Variants in SI observed in about 807,000 individuals in gnomAD.
SI encodes sucrase-isomaltase, also known as sucrase-isomaltase, intestinal.
A neutral mutation model predicts 253.3 loss-of-function variants in SI; 235 were observed. The observed-to-expected ratio is 0.93, with a 90% CI of 0.83 to 1.03. The LOEUF is 1.03. Among genes scored for constraint, SI ranks in the 50% least tolerant of loss-of-function variants. The pLI is 0.00. For missense variants in SI, 2,442 were observed against 2,211.1 expected (o/e 1.10, Z -2.09); for synonymous variants, 819 against 712.0 (o/e 1.15, Z -2.39).
intron 17 of SI, among the ~76,000 whole-genome samples, chr3:165,042,610 A>T (rs1477983992): frequency 6.6e-6 from 1 of 151,956 alleles, no homozygotes; most frequent in Non-Finnish European, 1.5e-5. Flanking sequence ...AAGACGCTGG[A>T]CTCTAATTGT....
At chr3:165,038,976 T>C in intron 20 of SI, 102 bp downstream of exon 20, 1 of 684,634 alleles carries the variant, frequency 1.5e-6, no homozygotes, top group Non-Finnish European at 2.5e-6. Flanking sequence ...ATTCTAAAAA[T>C]ATGTATGCTA....
At chr3:165,004,773 G>A (rs1718424088) in intron 37 of SI, among the ~76,000 whole-genome samples, 1 of 152,098 alleles carries the variant, frequency 6.6e-6, no homozygotes, top group African/African-American at 2.4e-5. Flanking sequence ...CATGAATATA[G>A]ACGGGAGAAG....
At chr3:165,054,292 A>G (rs921632882) in intron 13 of SI, among the ~76,000 whole-genome samples, 4 of 152,106 alleles carry the variant, frequency 2.6e-5, no homozygotes, top group Non-Finnish European at 5.9e-5. Flanking sequence ...GCCAGTGGTA[A>G]TTTAGTTTCT....
chr3:165,083,983 G>A, the SI span, among the ~76,000 whole-genome samples: 1 of 152,060 alleles, frequency 6.6e-6, no homozygotes, highest in East Asian at 1.9e-4. Context: ...CTGTGGACTT[G>A]GATGGTGCTA....
At chr3:165,084,617 T>A in the SI span, among the ~76,000 whole-genome samples, 2 of 151,956 alleles carry the variant, frequency 1.3e-5, no homozygotes, top group Non-Finnish European at 2.9e-5. Context: ...TAAATATAAT[T>A]GAAAATACAT....
intron 27 of SI, 116 bp from the exon 28 acceptor site, chr3:165,019,886 C>T: frequency 1.1e-6 from 1 of 913,656 alleles, no homozygotes; most frequent in Middle Eastern, 2.5e-4. Context: ...TTTCCATATT[C>T]CTAATTATAC....
At chr3:165,022,326 C>T (rs573199047) in intron 26 of SI, among the ~76,000 whole-genome samples, 2 of 151,388 alleles carry the variant, frequency 1.3e-5, no homozygotes, top group South Asian at 2.1e-4. Context: ...GCTTGAAAGG[C>T]CTTTGCTAGC....
At chr3:165,013,121 G>A (rs1718847699) in intron 33 of SI, 79 bp from the exon 34 acceptor site, 3 of 865,216 alleles carry the variant, frequency 3.5e-6, no homozygotes, top group Non-Finnish European at 6.0e-6. Flanking sequence ...AAGTGTAATG[G>A]AGTATTAGAG....
At chr3:165,026,608 T>G (rs1428956073) in intron 25 of SI, among the ~76,000 whole-genome samples, 1 of 151,238 alleles carries the variant, frequency 6.6e-6, no homozygotes, top group Non-Finnish European at 1.5e-5. Context: ...AAATTTGAAA[T>G]TATATCAAGC....
Position 165,074,226 on chromosome 3 carries a change from G to T in SI, c.255+305C>A, listed in dbSNP as rs117497810. ...CTCCTAAATGTTCTATATTATCAAA[G>T]GTATACTTTCTTAAAGAAGTAGATT... On this transcript the variant is annotated intron_variant, in intron 3 of 47. Transcript: ENST00000264382. 6.1e-4 allele frequency among the ~76,000 whole-genome samples: 93 copies of T among 151,826 alleles called. 2 individuals carry two copies. In the East Asian group the frequency reaches 0.016, roughly 26 times the overall value.
At chr3:165,082,404 A>G (rs181311279), upstream of SI, among the ~76,000 whole-genome samples, 1 of 152,120 alleles carries the variant, frequency 6.6e-6, no homozygotes, top group Admixed American at 6.6e-5. Context: ...TCTCTAAAGT[A>G]AAACCACCCA....
intron 3 of SI, among the ~76,000 whole-genome samples, chr3:165,071,244 G>A (rs1263482877): frequency 6.6e-6 from 1 of 151,946 alleles, no homozygotes; most frequent in Non-Finnish European, 1.5e-5. Context: ...GTATCTCCCT[G>A]TTGTTGCTTT....
intron 28 of SI, 58 bp downstream of exon 28, chr3:165,019,544 C>T (rs1719200794): frequency 2.7e-6 from 4 of 1,500,108 alleles, no homozygotes; most frequent in Non-Finnish European, 3.7e-6. Context: ...AAAGAAGTGG[C>T]TTGGATTCTA....
At chr3:165,036,655 G>C (rs1390987005) in intron 21 of SI, among the ~76,000 whole-genome samples, 178 bp from the exon 22 acceptor site, 1 of 151,708 alleles carries the variant, frequency 6.6e-6, no homozygotes, top group Non-Finnish European at 1.5e-5. Flanking sequence ...ATGTTCTTAT[G>C]TGAATACCGA....
Position 165,017,589 on chromosome 3 carries a change from G to C in SI, c.3718C>G (p.Arg1240Gly). 1 of 1,612,198 alleles carries C rather than the reference G, an allele frequency of 6.2e-7. No individual in the cohort carries two copies. The highest frequency in any genetic ancestry group is 8.5e-7 in the Non-Finnish European group (1 of 1,178,820). The change falls in exon 31 of 48, where the codon CGG (arginine) becomes GGG (glycine). Residue 1240 changes from arginine to glycine, a missense_variant. Physicochemically the swap from Arg to Gly is moderately radical, Grantham distance 125 (BLOSUM62 -2). Transcript: ENST00000264382. Reference protein sequence around the residue: ...RYGYANTSEVRELYDAMVAAN... With the variant: ...RYGYANTSEVGELYDAMVAAN... ...GCCACCATAGCGTCATATAATTCCCGAACCTCTGAAGTATTTGCATATCCA... is the reference window on the plus strand; with the variant it reads ...GCCACCATAGCGTCATATAATTCCCCAACCTCTGAAGTATTTGCATATCCA...
chr3:165,068,574 C>T (rs1714376811), intron 5 of SI, 148 bp downstream of exon 5: 1 of 685,846 alleles, frequency 1.5e-6, no homozygotes, highest in Admixed American at 2.1e-5. Context: ...GGGGTTTCAC[C>T]CTGTTAGCCA....
chr3:165,075,991 C>T lies in SI; in HGVS notation c.22G>A (p.Gly8Arg). 6.3e-7 allele frequency: 1 copy of T among 1,586,438 alleles called. No individual in the cohort carries two copies. Among genetic ancestry groups the T allele is most frequent in the South Asian group, 1.1e-5 (1 of 87,530 alleles). ...AGGACAATCAGAGAGATTTCCAATC[C>T]ACTAAATTTCTTTCTTGCCATCTAA... MARKKFS[G>R]LEISLIVLFV... The change falls in exon 2 of 48, where the codon GGA (glycine) becomes AGA (arginine). Residue 8 changes from glycine to arginine, a missense_variant. Gly to Arg is a moderately radical substitution (Grantham distance 125). Transcript: ENST00000264382.
intron 7 of SI, among the ~76,000 whole-genome samples, chr3:165,064,357 G>C (rs1332318908): frequency 6.6e-6 from 1 of 152,054 alleles, no homozygotes; most frequent in Non-Finnish European, 1.5e-5. Context: ...AATTAGCTCT[G>C]ACAGTCTCAC....
At chr3:165,081,490 C>A (rs1257768118), upstream of SI, among the ~76,000 whole-genome samples, 1 of 151,940 alleles carries the variant, frequency 6.6e-6, no homozygotes, top group East Asian at 1.9e-4. Flanking sequence ...TGGACGTCTA[C>A]AGTAGTTAAA....
Sources: allele counts gnomAD v4.1 joint callset (sites outside exome capture counted in the v4.1 genomes callset), GRCh38; gene constraint gnomAD v4.1.1; transcripts MANE v1.5; gene names NCBI Gene and HGNC (gene_info 2026-07-23, HGNC 2026-07-21).